The following PRICKLE2 variants were observed in gnomAD, a reference collection of about 807,000 sequenced individuals.
PRICKLE2 encodes the protein prickle planar cell polarity protein 2.
Under a neutral mutation model 81.4 loss-of-function variants are expected in PRICKLE2, and 21 were observed. The observed-to-expected ratio is 0.26, with a 90% confidence interval of 0.18 to 0.37. The LOEUF is 0.37. PRICKLE2 is among the 10% of genes least tolerant of loss of function. The pLI is 1.00. For synonymous variants in PRICKLE2, 456 were observed against 421.5 expected, an observed-to-expected ratio of 1.08 and a Z score of -1.00; for missense variants, 940 against 1,109.0, an observed-to-expected ratio of 0.85 and a Z score of 2.16.
chr3:64,170,056 A>G (rs1175773051), intron 2 of PRICKLE2, among the ~76,000 whole-genome samples: 1 of 152,110 alleles, frequency 6.6e-6, no homozygotes, highest in Non-Finnish European at 1.5e-5. Context: ...TCATTACCCA[A>G]GCAATAGGAG....
intron 2 of PRICKLE2, among the ~76,000 whole-genome samples, chr3:64,238,317 G>A (rs180940358): frequency 7.9e-5 from 12 of 151,840 alleles, no homozygotes; most frequent in African/African-American, 1.2e-4. Flanking sequence ...GTGAAACCTC[G>A]TCTCTACTAA....
At chr3:64,186,339 A>AGTTTGGGGAGGTGAATTAACTTGG (rs1297178988) in intron 2 of PRICKLE2, among the ~76,000 whole-genome samples, 1 of 152,234 alleles carries the variant, frequency 6.6e-6, no homozygotes, top group Non-Finnish European at 1.5e-5. Context: ...ATGAGATGAA[A>AGTTTGGGGAGGTGAATTAACTTGG]GTTTGGGGAG....
intron 5 of PRICKLE2, among the ~76,000 whole-genome samples, chr3:64,155,638 A>C (rs933261683): frequency 6.6e-6 from 1 of 152,246 alleles, no homozygotes; most frequent in Admixed American, 6.5e-5. Context: ...ATGTCCATCA[A>C]TTGATACATG....
intron 2 of PRICKLE2, among the ~76,000 whole-genome samples, chr3:64,232,918 C>T (rs1054616350): frequency 2.0e-5 from 3 of 152,190 alleles, no homozygotes; most frequent in Non-Finnish European, 4.4e-5. Context: ...CAAACTATAT[C>T]CCACAGGCCA....
intron 2 of PRICKLE2, among the ~76,000 whole-genome samples, chr3:64,265,400 A>G (rs1336608354): frequency 6.6e-6 from 1 of 152,202 alleles, no homozygotes; most frequent in Non-Finnish European, 1.5e-5. Flanking sequence ...TCTCATTGAC[A>G]TCAGAATATC....
intron 2 of PRICKLE2, among the ~76,000 whole-genome samples, chr3:64,262,501 G>A (rs2079630540): frequency 6.6e-6 from 1 of 152,048 alleles, no homozygotes. Flanking sequence ...CCAGGCTGGA[G>A]ATGTGACTCC....
Position 64,134,342 on chromosome 3 carries a change from G to C in PRICKLE2, c.1660+12488C>G, listed in dbSNP as rs1437264574. 2.6e-5 allele frequency among the ~76,000 whole-genome samples: 4 copies of C among 152,332 alleles called. No homozygotes were observed. In the East Asian group the frequency reaches 7.7e-4, roughly 29 times the overall value. On this transcript the variant is annotated intron_variant, in intron 7 of 7. Coordinates refer to ENST00000638394, the MANE Select transcript of PRICKLE2 (RefSeq NM_198859.4). ...GGCTTCCGAAGCATCCAGCTGAGGAGGTCCCTTCCCGTGACATCATACTCC... is the reference window on the plus strand; with the variant it reads ...GGCTTCCGAAGCATCCAGCTGAGGACGTCCCTTCCCGTGACATCATACTCC...
At chr3:64,123,977 G>A (rs775477120) in intron 7 of PRICKLE2, among the ~76,000 whole-genome samples, 7 of 152,212 alleles carry the variant, frequency 4.6e-5, no homozygotes, top group South Asian at 2.1e-4. Context: ...TAAGCTTAGT[G>A]AGGAAGACAC....
In PRICKLE2 at chr3:64,188,348, A is replaced by G. The variant is rs1236381901; in HGVS notation, c.144+10436T>C. ...ATGGAGTCTAGATGTGGCCTCATCT[A>G]TTCCTAGCAATGTGGCTTTTCCATT... is the stretch of plus-strand genomic sequence containing the variant. On this transcript the variant is annotated intron_variant, in intron 2 of 7. Transcript: ENST00000638394. 2.0e-5 allele frequency among the ~76,000 whole-genome samples: 3 copies of G among 152,218 alleles called. No individual in the cohort carries two copies. The East Asian group carries it at 5.8e-4, about 29-fold the overall frequency.
At chr3:64,152,297 C>T (rs1174899430) in intron 6 of PRICKLE2, among the ~76,000 whole-genome samples, 1 of 152,174 alleles carries the variant, frequency 6.6e-6, no homozygotes, top group Admixed American at 6.5e-5. Context: ...TGTGATCTCA[C>T]AGACATTCAG....
intron 2 of PRICKLE2, among the ~76,000 whole-genome samples, chr3:64,251,043 G>A (rs897176345): frequency 1.3e-5 from 2 of 152,066 alleles, no homozygotes; most frequent in Non-Finnish European, 2.9e-5. Flanking sequence ...ATCAGATCAC[G>A]AGGGCAGGGA....
intron 2 of PRICKLE2, among the ~76,000 whole-genome samples, chr3:64,181,520 T>C (rs1224415878): frequency 1.3e-5 from 2 of 152,186 alleles, no homozygotes; most frequent in African/African-American, 4.8e-5. Context: ...TTTCTCTTTG[T>C]TGCCTATAGC....
At chr3:64,114,359 A>C (rs980725477) in intron 7 of PRICKLE2, among the ~76,000 whole-genome samples, 3 of 152,222 alleles carry the variant, frequency 2.0e-5, no homozygotes, top group African/African-American at 7.2e-5. Context: ...AAGGAATCAT[A>C]ACTGGGCTGA....
At chr3:64,178,795 G>A (rs141153149) in intron 2 of PRICKLE2, among the ~76,000 whole-genome samples, 9 of 152,178 alleles carry the variant, frequency 5.9e-5, no homozygotes, top group African/African-American at 1.4e-4. Context: ...CAACATTTTC[G>A]TTAACCCATT....
At chr3:64,114,243 A>T (rs1222290065) in intron 7 of PRICKLE2, among the ~76,000 whole-genome samples, 2 of 152,188 alleles carry the variant, frequency 1.3e-5, no homozygotes, top group African/African-American at 4.8e-5. Context: ...CAAAGATTGA[A>T]GGTAGATAAG....
chr3:64,240,868 CCAA>C (rs2079254422), intron 2 of PRICKLE2, among the ~76,000 whole-genome samples: 2 of 152,126 alleles, frequency 1.3e-5, no homozygotes, highest in South Asian at 4.1e-4. Flanking sequence ...TAAATAATCC[CCAA>C]CAACTTCTTT....
rs74723725 is a variant in PRICKLE2, at chr3:64,243,977, T to C, written c.129-45010A>G. Among the ~76,000 whole-genome samples, 33 of 152,340 alleles carry C rather than the reference T, an allele frequency of 2.2e-4. No individual in the cohort carries two copies. In the East Asian group the frequency reaches 6.2e-3, roughly 29 times the overall value. Reference sequence around the variant, plus strand: ...CTCTTTCATGTCATAATTGTTAGTATTCCAATTTGTGGCAGCCAAATTATG... The same window carrying C: ...CTCTTTCATGTCATAATTGTTAGTACTCCAATTTGTGGCAGCCAAATTATG... On this transcript the variant is annotated intron_variant, in intron 2 of 8. Transcript: ENST00000295902.
rs1333688143 is a variant in PRICKLE2 at position 64,225,376 on chromosome 3, C to G, written c.-507G>C. 1.0e-6 allele frequency: 1 copy of G among 985,208 alleles called. No individual in the cohort carries two copies. Among genetic ancestry groups the G allele is most frequent in the Admixed American group, 6.2e-5 (1 of 16,250 alleles). 61.0% of individuals were successfully genotyped at this position (985,208 alleles called of 1,614,324 possible). ...TAGTCAGCTGCTCACAGAGCTCAAG[C>G]CACTGAACCAGGAAATGTGCTGCTT... On this transcript the variant is annotated 5_prime_UTR_variant, in exon 1 of 8. Coordinates refer to ENST00000638394, the MANE Select transcript of PRICKLE2 (RefSeq NM_198859.4).
rs115553086 is a variant in PRICKLE2 at position 64,169,155 on chromosome 3, A to G, written c.145-6026T>C. 5.6e-3 allele frequency among the ~76,000 whole-genome samples: 858 copies of G among 152,278 alleles called. 3 individuals are homozygous for G. The highest frequency in any genetic ancestry group is 0.019 in the African/African-American group (800 of 41,556). On this transcript the variant is annotated intron_variant, in intron 2 of 7. Transcript: ENST00000638394. Reference sequence around the variant, plus strand: ...GAAGCTCTTTTAAAGGAGGCTAGACAGTTGTTAGCCAAGACCTTTTTTTGC... The same window carrying G: ...GAAGCTCTTTTAAAGGAGGCTAGACGGTTGTTAGCCAAGACCTTTTTTTGC...
Sources: allele counts gnomAD v4.1 joint callset (sites outside exome capture counted in the v4.1 genomes callset), GRCh38; gene constraint gnomAD v4.1.1; transcripts MANE v1.5; gene names NCBI Gene and HGNC (gene_info 2026-07-23, HGNC 2026-07-21).